COL10A1: variants seen among roughly 807,000 people sequenced by gnomAD.
COL10A1 encodes collagen type X alpha 1 chain.
A neutral mutation model predicts 18.2 loss-of-function variants in COL10A1; 10 were observed. The observed-to-expected ratio is 0.55, with a 90% CI of 0.34 to 0.93. COL10A1 has a LOEUF of 0.93. Ranked by LOEUF, COL10A1 falls within the 40% of genes least tolerant of loss-of-function variation. The pLI, the probability that COL10A1 is intolerant of heterozygous loss-of-function variation, is 0.02. For missense variants in COL10A1, 897 were observed against 853.5 expected, an observed-to-expected ratio of 1.05 and a Z score of -0.64; for synonymous variants, 330 against 316.6, an observed-to-expected ratio of 1.04 and a Z score of -0.45.
chr6:116,119,332 T>A lies in COL10A1; in HGVS notation c.*741A>T, dbSNP rs575142257. On this transcript the variant is annotated 3_prime_UTR_variant, in exon 3 of 3. Transcript: ENST00000651968. ...CACACTTGTGTTAACTAAATAAGAA[T>A]AGGTCAGATACCTGTTTCCAAGTTA... is the stretch of plus-strand genomic sequence containing the variant. 6.6e-6 allele frequency: 1 copy of A among 152,526 alleles called. No homozygotes were observed. The highest frequency in any genetic ancestry group is 1.5e-5 in the Non-Finnish European group (1 of 68,032). 9.4% of individuals were successfully genotyped at this position (152,526 alleles called of 1,614,324 possible).
Position 116,119,648 on chromosome 6 carries a change from A to G in COL10A1, c.*425T>C, listed in dbSNP as rs189601123. ...ATATGATACCTCCTGGATGTTTCCT[A>G]GAAGTTCTCATATTCATAGTTAGAA... On this transcript the variant is annotated 3_prime_UTR_variant, in exon 3 of 3. Coordinates refer to ENST00000651968, the MANE Select transcript of COL10A1 (RefSeq NM_000493.4). The G allele has an allele frequency of 3.5e-4, 62 of 175,532 alleles. No homozygotes were observed. The East Asian group carries it at 9.2e-3, about 26-fold the overall frequency. 10.9% of individuals were successfully genotyped at this position (175,532 alleles called of 1,614,324 possible).
upstream of COL10A1, among the ~76,000 whole-genome samples, chr6:116,159,268 G>A (rs1400182473): frequency 6.6e-6 from 1 of 151,832 alleles, no homozygotes; most frequent in Non-Finnish European, 1.5e-5. Flanking sequence ...CACCGTATGA[G>A]GTTTATTCTT....
the COL10A1 span, among the ~76,000 whole-genome samples, chr6:116,189,571 G>T: frequency 6.6e-6 from 1 of 151,964 alleles, no homozygotes; most frequent in Non-Finnish European, 1.5e-5. Flanking sequence ...AGTTGTGCTT[G>T]AGACTACTGG....
At chr6:116,169,570 T>A in the COL10A1 span, among the ~76,000 whole-genome samples, 2 of 152,252 alleles carry the variant, frequency 1.3e-5, no homozygotes, top group African/African-American at 4.8e-5. Context: ...TGCATACTGA[T>A]CAACTATATG....
chr6:116,172,875 A>G, the COL10A1 span, among the ~76,000 whole-genome samples: 2 of 152,308 alleles, frequency 1.3e-5, no homozygotes, highest in Admixed American at 1.3e-4. Context: ...ATGATGAGGT[A>G]AGATAGGATG....
chr6:116,148,162 G>C (rs988547345), intron 1 of COL10A1, among the ~76,000 whole-genome samples: 8 of 152,064 alleles, frequency 5.3e-5, no homozygotes, highest in African/African-American at 1.9e-4. Flanking sequence ...CTTGTATAAG[G>C]ATAGACAAAC....
chr6:116,136,117 C>G (rs930381807), intron 1 of COL10A1, among the ~76,000 whole-genome samples: 1 of 151,996 alleles, frequency 6.6e-6, no homozygotes, highest in Non-Finnish European at 1.5e-5. Flanking sequence ...CCCTTGGCAG[C>G]CACCATTCTA....
chr6:116,167,362 G>A, the COL10A1 span, among the ~76,000 whole-genome samples: 7 of 151,750 alleles, frequency 4.6e-5, no homozygotes, highest in South Asian at 6.2e-4. Flanking sequence ...ACAGGCATGC[G>A]CCACCACTGC....
chr6:116,184,756 C>T, the COL10A1 span, among the ~76,000 whole-genome samples: 1 of 151,930 alleles, frequency 6.6e-6, no homozygotes, highest in Non-Finnish European at 1.5e-5. Context: ...TCTAATTGAG[C>T]TTATTTGGTT....
the COL10A1 span, among the ~76,000 whole-genome samples, chr6:116,182,462 A>C: frequency 3.3e-5 from 5 of 152,200 alleles, no homozygotes; most frequent in African/African-American, 1.2e-4. Flanking sequence ...GAATCTCCAC[A>C]CTGTTTTCCA....
chr6:116,131,383 T>C (rs75119759), intron 1 of COL10A1, among the ~76,000 whole-genome samples: 4,453 of 152,286 alleles, frequency 0.029, 236 homozygotes, highest in African/African-American at 0.1. Context: ...ATTTATCCTT[T>C]TTATTAAAAA....
At chr6:116,194,996 G>T in the COL10A1 span, among the ~76,000 whole-genome samples, 2 of 152,002 alleles carry the variant, frequency 1.3e-5, no homozygotes, top group East Asian at 3.9e-4. Flanking sequence ...CAAACCTAAA[G>T]TTACCTCACC....
chr6:116,166,200 C>G, the COL10A1 span, among the ~76,000 whole-genome samples: 4 of 152,136 alleles, frequency 2.6e-5, no homozygotes, highest in Non-Finnish European at 4.4e-5. Context: ...TTTTCTGCAA[C>G]CCCACATCAA....
At chr6:116,182,235 G>GTGTGTGTGTGTGTGTGTGTA in the COL10A1 span, among the ~76,000 whole-genome samples, 3 of 151,310 alleles carry the variant, frequency 2.0e-5, no homozygotes, top group Admixed American at 6.6e-5. Context: ...GTGTGTGTGT[G>GTGTGTGTGTGTGTGTGTGTA]TGTGTGTGTG....
upstream of COL10A1, among the ~76,000 whole-genome samples, chr6:116,127,196 A>G (rs551432747): frequency 1.1e-4 from 16 of 152,332 alleles, no homozygotes; most frequent in East Asian, 3.1e-3. Flanking sequence ...GGACTAATCA[A>G]TAATTGAAAT....
rs199827970 is a variant in COL10A1 at position 116,135,834 on chromosome 6, GATATATATAT to G, written c.-15-10337_-15-10328del. On this transcript the variant is annotated intron_variant, in intron 1 of 1. Transcript: ENST00000418500. ...ATTTATGGTATACAATATATTTTCA[GATATATATAT>G]ATATATATATATATATATATATATA... Among the ~76,000 whole-genome samples the G allele has an allele frequency of 5.6e-3, 570 of 102,352 alleles. 10 individuals carry two copies. In the South Asian group the frequency reaches 0.065, roughly 12 times the overall value. The allele number at this position is 102,352 out of a possible 152,430, so 67.1% of individuals were successfully genotyped here.
the COL10A1 span, among the ~76,000 whole-genome samples, chr6:116,176,513 C>G: frequency 6.6e-6 from 1 of 152,150 alleles, no homozygotes; most frequent in East Asian, 1.9e-4. Context: ...CTGACATTAG[C>G]AGAAGTTTTC....
the COL10A1 span, among the ~76,000 whole-genome samples, chr6:116,176,770 C>T: frequency 1.3e-5 from 2 of 152,122 alleles, no homozygotes; most frequent in Non-Finnish European, 2.9e-5. Flanking sequence ...GCAGGTAGCA[C>T]CGAAGCACTG....
the COL10A1 span, among the ~76,000 whole-genome samples, chr6:116,211,078 T>TA: frequency 2.6e-5 from 4 of 152,048 alleles, no homozygotes; most frequent in Admixed American, 6.6e-5. Flanking sequence ...TTGCTTGTCT[T>TA]AAAACACTTG....
Sources: allele counts gnomAD v4.1 joint callset (sites outside exome capture counted in the v4.1 genomes callset), GRCh38; gene constraint gnomAD v4.1.1; transcripts MANE v1.5; gene names NCBI Gene and HGNC (gene_info 2026-07-23, HGNC 2026-07-21).